Variants in ENPP1 observed in about 807,000 individuals in gnomAD.
ENPP1 encodes ectonucleotide pyrophosphatase/phosphodiesterase family member 1.
In ENPP1, 73 loss-of-function variants were observed where a neutral mutation model predicts 122.8. The observed-to-expected ratio is 0.59, with a 90% CI of 0.49 to 0.72. The LOEUF (loss-of-function observed/expected upper bound fraction) is 0.72. Among genes scored for constraint, ENPP1 ranks in the 30% least tolerant of loss-of-function variants. The pLI, the probability that ENPP1 is intolerant of heterozygous loss-of-function variation, is 0.00. For missense variants in ENPP1, 978 were observed against 1,128.1 expected (o/e 0.87, Z 1.91); for synonymous variants, 367 against 391.6 (o/e 0.94, Z 0.74).
chr6:131,842,778 G>T (rs1434243320), intron 1 of ENPP1, among the ~76,000 whole-genome samples: 1 of 152,116 alleles, frequency 6.6e-6, no homozygotes, highest in Non-Finnish European at 1.5e-5. Flanking sequence ...CTGGTCTTTA[G>T]TACAGGGACT....
intron 1 of ENPP1, among the ~76,000 whole-genome samples, chr6:131,831,114 C>CAAAAAAAAAAAAAAAA (rs3036850): frequency 4.2e-4 from 25 of 60,000 alleles, no homozygotes; most frequent in South Asian, 6.9e-4. Flanking sequence ...GCCCATCTCT[C>CAAAAAAAAAAAAAAAA]AAAAAAAAAA....
In ENPP1 at chr6:131,882,358, C is replaced by A; in HGVS notation, c.2114C>A (p.Thr705Lys). The change falls in exon 21 of 25, where the codon ACG becomes AAG. Residue 705 changes from threonine to lysine, a missense_variant. Transcript: ENST00000647893. Reference protein sequence around the residue: ...YTVDRNDSFSTEDFSNCLYQD... With the variant: ...YTVDRNDSFSKEDFSNCLYQD... Reference sequence around the variant, plus strand: ...TTCGTTCTTCAGGACAGTTTCTCTACGGAAGACTTCTCCAACTGTCTGTAC... The same window carrying A: ...TTCGTTCTTCAGGACAGTTTCTCTAAGGAAGACTTCTCCAACTGTCTGTAC... 1.9e-6 allele frequency: 3 copies of A among 1,601,764 alleles called. No homozygotes were observed. The highest frequency in any genetic ancestry group is 2.6e-6 in the Non-Finnish European group (3 of 1,172,010).
At chr6:131,870,385 T>A (rs1024389260) in intron 13 of ENPP1, among the ~76,000 whole-genome samples, 6 of 152,244 alleles carry the variant, frequency 3.9e-5, no homozygotes, top group African/African-American at 1.4e-4. Flanking sequence ...AAATATTTAT[T>A]CTTTTGCCAG....
intron 24 of ENPP1, among the ~76,000 whole-genome samples, chr6:131,888,548 G>T (rs1174688055): frequency 1.3e-5 from 2 of 152,166 alleles, no homozygotes; most frequent in Admixed American, 6.5e-5. Context: ...ATCCCTGATG[G>T]TAGTAGTCTT....
chr6:131,873,123 C>G, intron 15 of ENPP1, 73 bp downstream of exon 15: 16 of 1,489,566 alleles, frequency 1.1e-5, no homozygotes, highest in Non-Finnish European at 1.5e-5. Context: ...TGGGCCCTTT[C>G]TAACAATATT....
In ENPP1 at chr6:131,874,265, T is replaced by C; in HGVS notation, c.1566-3T>C. ...ATTTTTAATTCATATATGTCAACAT[T>C]AGGAATCCCTCAGAAAGGAAATATT... On this transcript the variant is annotated splice_region_variant and splice_polypyrimidine_tract_variant and intron_variant, in intron 15 of 24. Transcript: ENST00000647893. 1 of 1,550,244 alleles carries C rather than the reference T, an allele frequency of 6.5e-7. No individual in the cohort carries two copies. The highest frequency in any genetic ancestry group is 8.9e-7 in the Non-Finnish European group (1 of 1,123,088).
chr6:131,827,316 A>T, intron 1 of ENPP1: 1 of 1,337,746 alleles, frequency 7.5e-7, no homozygotes, highest in Non-Finnish European at 1.1e-6. Context: ...CAGATGAAGG[A>T]TGAAGGCAAA....
At chr6:131,818,341 A>G (rs1483461229) in intron 1 of ENPP1, among the ~76,000 whole-genome samples, 2 of 152,142 alleles carry the variant, frequency 1.3e-5, no homozygotes, top group African/African-American at 2.4e-5. Flanking sequence ...TGCTTAGATG[A>G]AGCAATAAAA....
At chr6:131,877,313 T>C in intron 18 of ENPP1, 152 bp downstream of exon 18, 1 of 741,352 alleles carries the variant, frequency 1.3e-6, no homozygotes, top group Non-Finnish European at 2.3e-6. Flanking sequence ...CATGTAGATC[T>C]TTTGTGATAT....
At chr6:131,890,026 G>A (rs1300251988) in intron 24 of ENPP1, among the ~76,000 whole-genome samples, 2 of 151,724 alleles carry the variant, frequency 1.3e-5, no homozygotes, top group Non-Finnish European at 2.9e-5. Flanking sequence ...TCTTTCCCAT[G>A]CCATGTAATT....
Position 131,822,538 on chromosome 6 carries a change from G to T in ENPP1, c.240+14263G>T, listed in dbSNP as rs565758569. Among the ~76,000 whole-genome samples, 24 of 151,462 alleles carry T rather than the reference G, an allele frequency of 1.6e-4. No individual in the cohort carries two copies. The South Asian group carries it at 3.3e-3, about 21-fold the overall frequency. On this transcript the variant is annotated intron_variant, in intron 1 of 24. Transcript: ENST00000647893. The stretch of plus-strand genomic sequence containing the variant: ...AAGAAGAAAATGAAAATTGCTTTTG[G>T]GTTTTTTCCCCTCCAGGACTTTTCT...
intron 1 of ENPP1, chr6:131,826,452 G>A: frequency 1.1e-6 from 1 of 944,662 alleles, no homozygotes; most frequent in Non-Finnish European, 1.7e-6. Context: ...ATCCAGGAAT[G>A]TAAGTAATGT....
intron 20 of ENPP1, 59 bp from the exon 21 acceptor site, chr6:131,882,286 A>T (rs966629337): frequency 2.0e-6 from 3 of 1,473,496 alleles, no homozygotes; most frequent in Non-Finnish European, 2.8e-6. Flanking sequence ...AAATATTAAT[A>T]AAGCAATTTT....
intron 1 of ENPP1, among the ~76,000 whole-genome samples, chr6:131,841,803 A>G (rs1440615506): frequency 6.6e-6 from 1 of 152,176 alleles, no homozygotes. Context: ...GAAGACCTAG[A>G]GAAACATGGT....
At chr6:131,844,346 T>C (rs1781778333) in intron 1 of ENPP1, among the ~76,000 whole-genome samples, 1 of 152,254 alleles carries the variant, frequency 6.6e-6, no homozygotes, top group South Asian at 2.1e-4. Context: ...GTACAAACTT[T>C]GCTGCTAGCT....
chr6:131,839,988 T>C (rs983464073), intron 1 of ENPP1, among the ~76,000 whole-genome samples: 3 of 152,212 alleles, frequency 2.0e-5, no homozygotes, highest in African/African-American at 7.2e-5. Context: ...ATCTAAATAT[T>C]TGTACATACT....
chr6:131,824,740 C>T (rs1781524392), intron 1 of ENPP1, among the ~76,000 whole-genome samples: 1 of 152,056 alleles, frequency 6.6e-6, no homozygotes, highest in African/African-American at 2.4e-5. Flanking sequence ...AAGTATGAGC[C>T]ACCGTGCCCA....
In ENPP1 at chr6:131,882,334, TC is replaced by T. The variant is rs200562612; in HGVS notation, c.2101-10del. 1,767 of 1,585,046 alleles carry T rather than the reference TC, an allele frequency of 1.1e-3. 40 individuals are homozygous for T. The East Asian group carries it at 0.036, about 32-fold the overall frequency. ...TGATATCTGAGAGTTCTTCTCATTT[TC>T]GTTCTTCAGGACAGTTTCTCTACGG... On this transcript the variant is annotated splice_polypyrimidine_tract_variant and intron_variant, in intron 20 of 24. Coordinates refer to ENST00000647893, the MANE Select transcript of ENPP1 (RefSeq NM_006208.3).
In ENPP1 at chr6:131,879,893, G is replaced by C. The variant is rs992532793; in HGVS notation, c.1959G>C (p.Lys653Asn). 6.2e-7 allele frequency: 1 copy of C among 1,613,600 alleles called. No homozygotes were observed. Among genetic ancestry groups the C allele is most frequent in the African/African-American group, 1.3e-5 (1 of 75,022 alleles). The change falls in exon 20 of 25, where the codon AAG becomes AAC. Residue 653 changes from lysine (K) to asparagine (N), a missense_variant. By Grantham distance (94) the Lys-to-Asn change is moderately conservative. Transcript: ENST00000647893. ...CTGTGACCCAAGAGAAGATTATTAA[G>C]CATGAAACTTTACCCTATGGAAGAC... ...NLTVAEEKII[K>N]HETLPYGRPR...
Sources: allele counts gnomAD v4.1 joint callset (sites outside exome capture counted in the v4.1 genomes callset), GRCh38; gene constraint gnomAD v4.1.1; transcripts MANE v1.5; gene names NCBI Gene and HGNC (gene_info 2026-07-23, HGNC 2026-07-21).